ZDHHC2: variants seen among roughly 807,000 people sequenced by gnomAD.
The protein encoded by ZDHHC2 is palmitoyltransferase ZDHHC2.
Under a neutral mutation model 55.6 loss-of-function variants are expected in ZDHHC2, and 51 were observed. The observed-to-expected ratio is 0.92, with a 90% CI of 0.73 to 1.16. The LOEUF is 1.16. Among genes scored for constraint, ZDHHC2 ranks in the 50% most tolerant of loss-of-function variants. ZDHHC2 has a pLI of 0.00. For missense variants in ZDHHC2, 491 were observed against 442.4 expected, an observed-to-expected ratio of 1.11 and a Z score of -0.99; for synonymous variants, 199 against 152.9, an observed-to-expected ratio of 1.30 and a Z score of -2.22.
At position 17,215,258 on chromosome 8, in the gene ZDHHC2, T is replaced by G. The variant is rs375781244; in HGVS notation, c.972T>G (p.Pro324=). ...TCAGTCTCGAAAACCATCAGTTTCC[T>G]GCAAAGCCATTGAGAGAGTCCCAGA... ...TAKNLENHQF[P]AKPLRESQSH... The change falls in exon 11 of 13, where the codon CCT becomes CCG. Residue 324 remains proline, a synonymous_variant. Transcript: ENST00000262096. 5 of 1,600,220 alleles carry G rather than the reference T, an allele frequency of 3.1e-6. No homozygotes were observed. The African/African-American group carries it at 6.7e-5, about 21-fold the overall frequency.
chr8:17,207,642 T>G (rs1378073897), intron 7 of ZDHHC2, among the ~76,000 whole-genome samples: 1 of 152,144 alleles, frequency 6.6e-6, no homozygotes, highest in Non-Finnish European at 1.5e-5. Context: ...AAAACTACAT[T>G]TTATAGTTCC....
intron 7 of ZDHHC2, 64 bp from the exon 8 acceptor site, chr8:17,207,896 T>G (rs982745263): frequency 2.4e-6 from 3 of 1,235,214 alleles, no homozygotes; most frequent in Middle Eastern, 3.1e-4. Context: ...ACTAATTTAC[T>G]TATAAAAGTA....
At chr8:17,164,046 G>A (rs763474621) in intron 1 of ZDHHC2, among the ~76,000 whole-genome samples, 3 of 152,172 alleles carry the variant, frequency 2.0e-5, no homozygotes, top group Non-Finnish European at 2.9e-5. Flanking sequence ...GGGGTAGGAG[G>A]AGGAGGCGCT....
intron 3 of ZDHHC2, among the ~76,000 whole-genome samples, chr8:17,195,127 T>G (rs1023106267): frequency 1.3e-5 from 2 of 152,342 alleles, no homozygotes; most frequent in Admixed American, 6.5e-5. Flanking sequence ...TTGTTCTTAA[T>G]GATCTAAATG....
rs201623172 is a variant in ZDHHC2 at position 17,179,747 on chromosome 8, AC to A, written c.131-5041del. Among the ~76,000 whole-genome samples the A allele has an allele frequency of 6.9e-3, 1,057 of 152,318 alleles. 6 individuals carry two copies. Among genetic ancestry groups the A allele is most frequent in the Non-Finnish European group, 9.6e-3 (652 of 68,018 alleles). On this transcript the variant is annotated intron_variant, in intron 1 of 12. Coordinates refer to ENST00000262096, the MANE Select transcript of ZDHHC2 (RefSeq NM_016353.5). ...AAGGCCATAATTTTACTTTTGGCAA[AC>A]AGGAACATTCTTGGTAACTATAGTA...
intron 1 of ZDHHC2, among the ~76,000 whole-genome samples, chr8:17,168,188 G>A (rs1804695566): frequency 6.6e-6 from 1 of 152,156 alleles, no homozygotes; most frequent in African/African-American, 2.4e-5. Context: ...GGTCAAGGAA[G>A]ACCGGAATTT....
intron 1 of ZDHHC2, among the ~76,000 whole-genome samples, chr8:17,167,100 T>C (rs905325452): frequency 1.3e-5 from 2 of 152,136 alleles, no homozygotes; most frequent in African/African-American, 2.4e-5. Context: ...GGTTAACACG[T>C]ACTAACATTT....
chr8:17,161,677 G>A (rs900565531), intron 1 of ZDHHC2, among the ~76,000 whole-genome samples: 1 of 152,114 alleles, frequency 6.6e-6, no homozygotes, highest in Non-Finnish European at 1.5e-5. Flanking sequence ...GGCCAACATA[G>A]TGGAACCCTG....
chr8:17,208,937 A>G (rs1807237852), intron 8 of ZDHHC2, among the ~76,000 whole-genome samples: 1 of 152,172 alleles, frequency 6.6e-6, no homozygotes, highest in Non-Finnish European at 1.5e-5. Flanking sequence ...CCTAGGATGA[A>G]GAATGCTAAG....
chr8:17,222,602 A>G lies in ZDHHC2; in HGVS notation c.*2381A>G, dbSNP rs1028367217. ...GCTTCATATACGTTAGTTATTTGCT[A>G]TTATGTAGGGAAGAGGATTGTTATT... On this transcript the variant is annotated 3_prime_UTR_variant, in exon 13 of 13. Coordinates refer to ENST00000262096, the MANE Select transcript of ZDHHC2 (RefSeq NM_016353.5). 2.0e-5 allele frequency: 3 copies of G among 151,854 alleles called. No homozygotes were observed. Among genetic ancestry groups the G allele is most frequent in the Admixed American group, 6.6e-5 (1 of 15,216 alleles). The allele number at this position is 151,854 out of a possible 1,614,324, so 9.4% of individuals were successfully genotyped here. A position where few individuals can be genotyped will look rare whatever the true frequency, so the allele number is the denominator to read the frequency against.
Position 17,201,552 on chromosome 8 carries a change from G to GTGCGATCT in ZDHHC2, c.476+3142_476+3149dup, listed in dbSNP as rs564995225. Among the ~76,000 whole-genome samples, 14 of 134,274 alleles carry GTGCGATCT rather than the reference G, an allele frequency of 1.0e-4. No homozygotes were observed. The East Asian group carries it at 3.5e-3, about 33-fold the overall frequency. 88.1% of individuals were successfully genotyped at this position (134,274 alleles called of 152,430 possible). Reference sequence around the variant, plus strand: ...CTGTAACCTGGGCTAGAGTGTGGTGGTGCGATCTTGGCTCACTGCAAGCTC... The same window carrying GTGCGATCT: ...CTGTAACCTGGGCTAGAGTGTGGTGGTGCGATCTTGCGATCTTGGCTCACTGCAAGCTC... On this transcript the variant is annotated intron_variant, in intron 6 of 12. Transcript: ENST00000262096.
chr8:17,210,837 A>G (rs768678042), intron 10 of ZDHHC2, among the ~76,000 whole-genome samples: 4 of 152,200 alleles, frequency 2.6e-5, no homozygotes, highest in South Asian at 2.1e-4. Context: ...CTGACCCACC[A>G]TATCTTTCCT....
intron 2 of ZDHHC2, 24 bp downstream of exon 2, chr8:17,184,839 A>G (rs1169409082): frequency 2.6e-6 from 4 of 1,523,728 alleles, no homozygotes; most frequent in East Asian, 2.5e-5. Context: ...TATTAATGTT[A>G]TAGATTTTTT....
intron 1 of ZDHHC2, among the ~76,000 whole-genome samples, chr8:17,169,501 A>G (rs547969434): frequency 6.6e-6 from 1 of 152,316 alleles, no homozygotes; most frequent in South Asian, 2.1e-4. Flanking sequence ...TTAAATCTTG[A>G]AAGAACATAT....
chr8:17,195,610 G>A lies in ZDHHC2; in HGVS notation c.359G>A (p.Arg120Lys). The A allele has an allele frequency of 1.2e-6, 2 of 1,613,792 alleles. No homozygotes were observed. The highest frequency in any genetic ancestry group is 1.7e-6 in the Non-Finnish European group (2 of 1,179,782). Residue 120 changes from arginine (R) to lysine (K), a missense_variant, in exon 4 of 13, where the codon AGG becomes AAG. By Grantham distance (26) the Arg-to-Lys change is conservative. Transcript: ENST00000262096. ...GCCAAGGATCTTCCCATCTATACCAGGACCATGTCTGGAGGTAAATGTTGA... is the reference window on the plus strand; with the variant it reads ...GCCAAGGATCTTCCCATCTATACCAAGACCATGTCTGGAGGTAAATGTTGA... ...RAAKDLPIYT[R>K]TMSGAIRYCD...
intron 1 of ZDHHC2, among the ~76,000 whole-genome samples, chr8:17,165,845 G>T (rs1232962989): frequency 2.0e-5 from 3 of 152,190 alleles, no homozygotes; most frequent in African/African-American, 7.2e-5. Flanking sequence ...AACTGAAGGA[G>T]CTGAAACATT....
At chr8:17,201,232 T>C (rs1275500935) in intron 6 of ZDHHC2, among the ~76,000 whole-genome samples, 4 of 152,268 alleles carry the variant, frequency 2.6e-5, no homozygotes, top group East Asian at 3.9e-4. Context: ...CAGATCTCAA[T>C]GTATGTGTGC....
At chr8:17,204,842 AAAAG>A (rs1393611682) in intron 6 of ZDHHC2, among the ~76,000 whole-genome samples, 1 of 152,126 alleles carries the variant, frequency 6.6e-6, no homozygotes, top group Non-Finnish European at 1.5e-5. Context: ...AATTTTTTAA[AAAAG>A]AAAAATCTTA....
At chr8:17,200,674 A>T (rs1806712889) in intron 6 of ZDHHC2, among the ~76,000 whole-genome samples, 1 of 152,236 alleles carries the variant, frequency 6.6e-6, no homozygotes, top group South Asian at 2.1e-4. Flanking sequence ...ATCAACAGTT[A>T]ATTTGGCCTC....
Sources: allele counts gnomAD v4.1 joint callset (sites outside exome capture counted in the v4.1 genomes callset), GRCh38; gene constraint gnomAD v4.1.1; transcripts MANE v1.5; gene names NCBI Gene and HGNC (gene_info 2026-07-23, HGNC 2026-07-21).